The following AFTPH variants were observed in gnomAD, a reference collection of about 807,000 sequenced individuals.
AFTPH encodes aftiphilin.
In AFTPH, 7 loss-of-function variants were observed where a neutral mutation model predicts 72.5. The observed-to-expected ratio is 0.10, with a 90% CI of 0.05 to 0.18. AFTPH has a LOEUF of 0.18. AFTPH is among the 10% of genes least tolerant of loss of function. The pLI, the probability that AFTPH is intolerant of heterozygous loss-of-function variation, is 1.00. For synonymous variants in AFTPH, 337 were observed against 370.1 expected (o/e 0.91, Z 1.03); for missense variants, 979 against 1,060.5 (o/e 0.92, Z 1.07).
intron 1 of AFTPH, among the ~76,000 whole-genome samples, chr2:64,540,230 G>A (rs1670153285): frequency 6.6e-6 from 1 of 152,162 alleles, no homozygotes; most frequent in Non-Finnish European, 1.5e-5. Flanking sequence ...AATAGAAGCT[G>A]AGAGTTCTAG....
At chr2:64,552,043 A>G (rs1393702796) in exon 2 of AFTPH, 1 of 1,613,990 alleles carries the variant, frequency 6.2e-7, no homozygotes, top group Non-Finnish European at 8.5e-7. Flanking sequence ...GCAGTGTTGG[A>G]AACTGTAAAT....
chr2:64,581,177 A>T lies in AFTPH; in HGVS notation c.2455+1631A>T. On this transcript the variant is annotated intron_variant, in intron 7 of 8. Transcript: ENST00000238856. Reference sequence around the variant, plus strand: ...TGTGTGGCTGCCTACCAACACGGTCACTGAATTTCAAGCTAGTGGAGGTTC... The same window carrying T: ...TGTGTGGCTGCCTACCAACACGGTCTCTGAATTTCAAGCTAGTGGAGGTTC... 1 of 1,581,564 alleles carries T rather than the reference A, an allele frequency of 6.3e-7. No individual in the cohort carries two copies. Among genetic ancestry groups the T allele is most frequent in the Non-Finnish European group, 8.6e-7 (1 of 1,163,260 alleles).
At chr2:64,552,700 C>A in exon 2 of AFTPH, 1 of 1,614,166 alleles carries the variant, frequency 6.2e-7, no homozygotes, top group Non-Finnish European at 8.5e-7. Flanking sequence ...TTGGATGATT[C>A]TTTAAGTGTA....
At chr2:64,564,589 C>T (rs112785484) in intron 2 of AFTPH, among the ~76,000 whole-genome samples, 3,630 of 151,210 alleles carry the variant, frequency 0.024, 142 homozygotes, top group East Asian at 0.14. Context: ...ACTCCAGCCT[C>T]GGTGACAGAG....
intron 6 of AFTPH, among the ~76,000 whole-genome samples, chr2:64,573,798 C>T (rs1297728944): frequency 6.6e-6 from 1 of 152,074 alleles, no homozygotes; most frequent in African/African-American, 2.4e-5. Context: ...GCTGGGACTA[C>T]AGGTGTGTGC....
intron 1 of AFTPH, among the ~76,000 whole-genome samples, chr2:64,543,287 G>C (rs1460404214): frequency 1.3e-5 from 2 of 152,170 alleles, no homozygotes; most frequent in African/African-American, 4.8e-5. Flanking sequence ...TTCTTTGACA[G>C]TTACATGTTT....
intron 1 of AFTPH, among the ~76,000 whole-genome samples, chr2:64,535,331 C>T (rs7576132): frequency 0.31 from 47,318 of 151,990 alleles, 7,429 homozygotes; most frequent in South Asian, 0.39. Flanking sequence ...TCTACCCATT[C>T]TATTAGAGAA....
At position 64,552,002 on chromosome 2, in the gene AFTPH, T is replaced by G. The variant is rs760676867; in HGVS notation, c.528T>G (p.Pro176=). The change falls in exon 2 of 9, where the codon CCT becomes CCG. Residue 176 remains proline (P), a synonymous_variant. Transcript: ENST00000238856. ...TAGAGAGCTGCAATGGTGAAAAGCCTCCTTGTCTGGAGATTCTAACAAATG... is the reference window on the plus strand; with the variant it reads ...TAGAGAGCTGCAATGGTGAAAAGCCGCCTTGTCTGGAGATTCTAACAAATG... The G allele has an allele frequency of 1.1e-5, 18 of 1,613,836 alleles. No homozygotes were observed. The African/African-American group carries it at 2.0e-4, about 18-fold the overall frequency.
chr2:64,572,135 G>C (rs750016645), intron 5 of AFTPH, among the ~76,000 whole-genome samples: 1 of 150,564 alleles, frequency 6.6e-6, no homozygotes, highest in African/African-American at 2.4e-5. Context: ...CAGGAGAATC[G>C]CTTGAACCTG....
exon 9 of AFTPH, chr2:64,592,298 A>G (rs570497858): frequency 1.6e-5 from 4 of 256,542 alleles, no homozygotes; most frequent in Middle Eastern, 2.4e-3. Flanking sequence ...GGGTGTATAC[A>G]TTTATGTCTT....
At chr2:64,549,308 CTTTTTTTTTTTTTTTTTT>C (rs34951706) in intron 1 of AFTPH, among the ~76,000 whole-genome samples, 4 of 55,984 alleles carry the variant, frequency 7.1e-5, no homozygotes, top group African/African-American at 1.8e-4. Context: ...TTAGTCCTCC[CTTTTTTTTTTTTTTTTTT>C]TTTTTTTTTT....
exon 1 of AFTPH, chr2:64,524,382 G>A (rs1415837264): frequency 4.9e-6 from 2 of 404,448 alleles, no homozygotes; most frequent in East Asian, 3.5e-5. Flanking sequence ...GGAGGAGGTG[G>A]AGGAGGCGGC....
At chr2:64,557,033 C>A (rs2103971431) in intron 2 of AFTPH, among the ~76,000 whole-genome samples, 1 of 152,244 alleles carries the variant, frequency 6.6e-6, no homozygotes, top group African/African-American at 2.4e-5. Flanking sequence ...ACAACAAAAC[C>A]TTCCTTACAT....
At chr2:64,569,335 T>A in intron 4 of AFTPH, 117 bp downstream of exon 4, 1 of 1,359,804 alleles carries the variant, frequency 7.4e-7, no homozygotes, top group Non-Finnish European at 1.0e-6. Context: ...ATATTTGGTT[T>A]AAATGTTCAC....
At chr2:64,548,982 C>T (rs1390881476) in intron 1 of AFTPH, among the ~76,000 whole-genome samples, 2 of 152,172 alleles carry the variant, frequency 1.3e-5, no homozygotes, top group Non-Finnish European at 2.9e-5. Context: ...ACTGACCAGT[C>T]GTTAACCTCA....
At chr2:64,573,317 C>A (rs1482669950) in intron 6 of AFTPH, among the ~76,000 whole-genome samples, 1 of 151,724 alleles carries the variant, frequency 6.6e-6, no homozygotes, top group African/African-American at 2.4e-5. Context: ...ACTATCCAGG[C>A]CTTAGTCTCT....
chr2:64,588,836 C>T (rs1467105647), intron 8 of AFTPH, among the ~76,000 whole-genome samples: 1 of 152,174 alleles, frequency 6.6e-6, no homozygotes, highest in Non-Finnish European at 1.5e-5. Flanking sequence ...TCTCCCTCCT[C>T]AGCCTCCCAA....
intron 2 of AFTPH, among the ~76,000 whole-genome samples, chr2:64,564,511 G>A (rs986107136): frequency 1.1e-4 from 16 of 152,046 alleles, no homozygotes; most frequent in Non-Finnish European, 2.1e-4. Flanking sequence ...TTACTTGGGA[G>A]GCTAAGGCAG....
intron 6 of AFTPH, among the ~76,000 whole-genome samples, chr2:64,578,299 T>G (rs1232898211): frequency 6.6e-6 from 1 of 152,110 alleles, no homozygotes; most frequent in Non-Finnish European, 1.5e-5. Flanking sequence ...TGCCTTACAA[T>G]AAAGCGTAGT....
Sources: allele counts gnomAD v4.1 joint callset (sites outside exome capture counted in the v4.1 genomes callset), GRCh38; gene constraint gnomAD v4.1.1; transcripts MANE v1.5; gene names NCBI Gene and HGNC (gene_info 2026-07-23, HGNC 2026-07-21).